CCDC60: variants seen among roughly 807,000 people sequenced by gnomAD.
CCDC60 encodes the protein coiled-coil domain-containing protein 60.
In CCDC60, 54 loss-of-function variants were observed where a neutral mutation model predicts 63.5. That is an observed-to-expected ratio of 0.85 (90% CI 0.68 to 1.07). The LOEUF is 1.07. Among genes scored for constraint, CCDC60 ranks in the 50% least tolerant of loss-of-function variants. CCDC60 has a pLI of 0.00. For synonymous variants in CCDC60, 206 were observed against 238.8 expected, an observed-to-expected ratio of 0.86 and a Z score of 1.27; for missense variants, 651 against 684.3, an observed-to-expected ratio of 0.95 and a Z score of 0.54.
intron 1 of CCDC60, among the ~76,000 whole-genome samples, chr12:119,384,947 G>A (rs556052588): frequency 6.6e-6 from 1 of 152,278 alleles, no homozygotes; most frequent in South Asian, 2.1e-4. Context: ...TGGGGGGGCT[G>A]ATATCCAGCC....
chr12:119,441,603 G>C (rs560864237), intron 2 of CCDC60, among the ~76,000 whole-genome samples: 1 of 152,264 alleles, frequency 6.6e-6, no homozygotes, highest in South Asian at 2.1e-4. Context: ...ATTTAGATTT[G>C]TTCCTCTTGT....
intron 1 of CCDC60, among the ~76,000 whole-genome samples, chr12:119,415,931 T>C (rs1247391974): frequency 6.6e-6 from 1 of 152,110 alleles, no homozygotes; most frequent in Non-Finnish European, 1.5e-5. Flanking sequence ...CTGGATTAGA[T>C]AAGGGGAGGG....
At chr12:119,457,446 A>G (rs1950769083) in intron 2 of CCDC60, among the ~76,000 whole-genome samples, 1 of 152,222 alleles carries the variant, frequency 6.6e-6, no homozygotes, top group African/African-American at 2.4e-5. Context: ...ATTGTTGGGC[A>G]TTACAATTAG....
chr12:119,513,246 G>C (rs1055025684), intron 7 of CCDC60, among the ~76,000 whole-genome samples: 1 of 152,154 alleles, frequency 6.6e-6, no homozygotes, highest in East Asian at 1.9e-4. Context: ...CTTGAGGCAC[G>C]TAACTTACTC....
Position 119,360,170 on chromosome 12 carries a change from C to G in CCDC60, c.90+24904C>G, listed in dbSNP as rs1396756723. ...GGCTGGCCGGGCGGGGGGCTGACCCCCCCCCACCTCCCTCCCGGACAGGGC... is the reference window on the plus strand; with the variant it reads ...GGCTGGCCGGGCGGGGGGCTGACCCGCCCCCACCTCCCTCCCGGACAGGGC... On this transcript the variant is annotated intron_variant, in intron 1 of 13. Transcript: ENST00000327554. 7.1e-3 allele frequency among the ~76,000 whole-genome samples: 1,074 copies of G among 150,624 alleles called. 14 individuals carry two copies. Among genetic ancestry groups the G allele is most frequent in the African/African-American group, 0.025 (1,018 of 40,838 alleles).
chr12:119,503,078 G>A (rs1479914428), intron 6 of CCDC60, among the ~76,000 whole-genome samples: 4 of 152,132 alleles, frequency 2.6e-5, no homozygotes, highest in Non-Finnish European at 5.9e-5. Flanking sequence ...TTGGGAGGCC[G>A]AGGCAGGAGA....
chr12:119,535,622 T>C (rs537727177), intron 13 of CCDC60, among the ~76,000 whole-genome samples: 105 of 152,332 alleles, frequency 6.9e-4, no homozygotes, highest in African/African-American at 2.4e-3. Flanking sequence ...GTGTCTTTGT[T>C]TTCATTGGTT....
At chr12:119,524,288 C>CA in intron 11 of CCDC60, 1 of 186,334 alleles carries the variant, frequency 5.4e-6, no homozygotes, top group South Asian at 1.8e-4. Context: ...ACGCAAGCCA[C>CA]AAATGCCAGA....
chr12:119,406,528 C>T (rs1226678107), intron 1 of CCDC60, among the ~76,000 whole-genome samples: 1 of 152,114 alleles, frequency 6.6e-6, no homozygotes, highest in African/African-American at 2.4e-5. Context: ...CACAATGTGA[C>T]AAGGTCATAC....
At chr12:119,471,386 C>A (rs749592523) in intron 2 of CCDC60, among the ~76,000 whole-genome samples, 1 of 152,186 alleles carries the variant, frequency 6.6e-6, no homozygotes, top group Non-Finnish European at 1.5e-5. Flanking sequence ...CCCTTTAGTG[C>A]CTGCTATGCC....
At chr12:119,482,029 GTGTATATATA>G (rs1342465414) in intron 4 of CCDC60, among the ~76,000 whole-genome samples, 3 of 109,186 alleles carry the variant, frequency 2.7e-5, no homozygotes, top group East Asian at 3.9e-4. Context: ...GTATATATGT[GTGTATATATA>G]TGTATATATA....
At chr12:119,497,751 A>G (rs1593174530) in intron 5 of CCDC60, among the ~76,000 whole-genome samples, 1 of 23,184 alleles carries the variant, frequency 4.3e-5, no homozygotes, top group Non-Finnish European at 6.6e-5. Flanking sequence ...CTCCAAAGTG[A>G]AAAAAAAAAA....
chr12:119,536,877 C>T (rs1248252458), intron 13 of CCDC60, among the ~76,000 whole-genome samples: 1 of 152,092 alleles, frequency 6.6e-6, no homozygotes, highest in South Asian at 2.1e-4. Context: ...GTAAATCTGA[C>T]AATTATGTGT....
chr12:119,427,744 A>G (rs1956926820), intron 1 of CCDC60, among the ~76,000 whole-genome samples: 1 of 152,196 alleles, frequency 6.6e-6, no homozygotes, highest in African/African-American at 2.4e-5. Context: ...AAAAATCCTA[A>G]GGTGCAGGAA....
At chr12:119,350,849 T>G (rs1265366987) in intron 1 of CCDC60, among the ~76,000 whole-genome samples, 1 of 152,160 alleles carries the variant, frequency 6.6e-6, no homozygotes, top group East Asian at 1.9e-4. Flanking sequence ...ATGGGCAGGA[T>G]CCCAGGTTGC....
chr12:119,338,909 T>G (rs1955502777), intron 1 of CCDC60, among the ~76,000 whole-genome samples: 1 of 152,218 alleles, frequency 6.6e-6, no homozygotes, highest in African/African-American at 2.4e-5. Context: ...CCCTCTGAAC[T>G]GGCCATTTTC....
At chr12:119,482,025 ATG>A (rs1195710978) in intron 4 of CCDC60, among the ~76,000 whole-genome samples, 2 of 146,408 alleles carry the variant, frequency 1.4e-5, no homozygotes, top group East Asian at 3.9e-4. Flanking sequence ...ATATGTATAT[ATG>A]TGTGTATATA....
intron 4 of CCDC60, among the ~76,000 whole-genome samples, chr12:119,487,633 T>C (rs1951484469): frequency 6.6e-6 from 1 of 151,926 alleles, no homozygotes; most frequent in African/African-American, 2.4e-5. Flanking sequence ...GAGAACCATC[T>C]CAGTCACCAA....
chr12:119,528,560 G>A (rs1952753877), intron 11 of CCDC60, 55 bp from the exon 12 acceptor site: 2 of 1,574,268 alleles, frequency 1.3e-6, no homozygotes, highest in African/African-American at 1.4e-5. Flanking sequence ...CAGCTAAGAT[G>A]GTTACAGGAG....
Sources: gnomAD v4.1 joint callset for allele counts (sites outside exome capture counted in the v4.1 genomes callset) on GRCh38, gnomAD v4.1.1 for gene constraint, MANE v1.5 for transcripts, NCBI Gene and HGNC (gene_info 2026-07-23, HGNC 2026-07-21) for gene names.